The following TAF1 variants were observed in gnomAD, a reference collection of about 807,000 sequenced individuals.
TAF1 encodes TATA-box binding protein associated factor 1, also known as transcription initiation factor TFIID subunit 1.
A neutral mutation model predicts 138.5 loss-of-function variants in TAF1; 2 were observed. That is an observed-to-expected ratio of 0.01 (90% confidence interval 0.01 to 0.05). TAF1 has a LOEUF of 0.05. TAF1 is among the 10% of genes least tolerant of loss of function. The pLI is 1.00. For synonymous variants in TAF1, 437 were observed against 503.2 expected, an observed-to-expected ratio of 0.87 and a Z score of 1.76; for missense variants, 709 against 1,478.0, an observed-to-expected ratio of 0.48 and a Z score of 8.53.
intron 24 of TAF1, among the ~76,000 whole-genome samples, chrX:71,399,894 G>T (rs1014443413): frequency 1.8e-5 from 2 of 109,402 alleles, no homozygotes; most frequent in Non-Finnish European, 3.8e-5. Context: ...ACCACGCCCA[G>T]CTAATTTTTG....
At chrX:71,489,894 G>A (rs1336166984) in intron 13 of TAF1, among the ~76,000 whole-genome samples, 4 of 111,500 alleles carry the variant, frequency 3.6e-5, no homozygotes, top group Non-Finnish European at 3.8e-5. Context: ...GTTTGAATGC[G>A]TCCCTTCTAA....
intron 1 of TAF1, 21 bp downstream of exon 1, chrX:71,366,515 G>GT: frequency 1.4e-5 from 6 of 418,724 alleles, no homozygotes; most frequent in Non-Finnish European, 2.4e-5. Context: ...GGGCGTGGGG[G>GT]TAGGGCTCGG....
chrX:71,370,203 C>T (rs985355089), intron 3 of TAF1, among the ~76,000 whole-genome samples: 3 of 111,675 alleles, frequency 2.7e-5, no homozygotes, highest in Non-Finnish European at 3.8e-5. Flanking sequence ...CCAGCCTGGG[C>T]GGCAAGAGCT....
At position 71,368,157 on chromosome X, in the gene TAF1, C is replaced by T. The variant is rs369804809; in HGVS notation, c.339C>T (p.Pro113=). The part of the protein sequence containing the change: ...RYQQTMGSLQ[P]LCHSDYDEDD... ...AGCAGACGATGGGGAGCTTGCAGCCCCTTTGCCACTCAGGTGATTCTTTGG... is the reference window on the plus strand; with the variant it reads ...AGCAGACGATGGGGAGCTTGCAGCCTCTTTGCCACTCAGGTGATTCTTTGG... Residue 113 remains proline (P), a synonymous_variant, in exon 3 of 38, where the codon CCC becomes CCT. Coordinates refer to ENST00000423759, the MANE Select transcript of TAF1 (RefSeq NM_004606.5). 28 of 1,209,540 alleles carry T rather than the reference C, an allele frequency of 2.3e-5. No homozygotes were observed. Among genetic ancestry groups the T allele is most frequent in the Non-Finnish European group, 3.0e-5 (27 of 894,698 alleles).
chrX:71,490,820 C>T (rs757384091), intron 13 of TAF1, among the ~76,000 whole-genome samples: 3 of 108,572 alleles, frequency 2.8e-5, no homozygotes, highest in African/African-American at 1.0e-4. Flanking sequence ...CTCTGCCTCC[C>T]GGGTTCAAGT....
At chrX:71,488,331 C>T (rs1197779061) in intron 13 of TAF1, among the ~76,000 whole-genome samples, 1 of 105,291 alleles carries the variant, frequency 9.5e-6, no homozygotes, top group Non-Finnish European at 2.0e-5. Flanking sequence ...GCAACCTCCA[C>T]CTCCCGGGTT....
intron 34 of TAF1, among the ~76,000 whole-genome samples, chrX:71,456,649 CTTTTTTTTTTTTTTTTTTTTTTTTTTT>C (rs776321706): frequency 1.1e-3 from 29 of 26,810 alleles, no homozygotes; most frequent in Admixed American, 1.9e-3. Flanking sequence ...AATGTATTTT[CTTTTTTTTTTTTTTTTTTTTTTTTTTT>C]TTTTTTTTTT....
At chrX:71,516,549 G>A (rs2039828669) in intron 13 of TAF1, among the ~76,000 whole-genome samples, 1 of 108,816 alleles carries the variant, frequency 9.2e-6, no homozygotes, top group African/African-American at 3.4e-5. Flanking sequence ...GATTGAGGTA[G>A]GAGGATCACT....
intron 22 of TAF1, among the ~76,000 whole-genome samples, chrX:71,396,464 A>G (rs764762115): frequency 5.2e-4 from 56 of 107,983 alleles, no homozygotes; most frequent in Non-Finnish European, 9.6e-4. Context: ...ACACCTGGCT[A>G]GTTAAATTTG....
intron 25 of TAF1, among the ~76,000 whole-genome samples, 177 bp downstream of exon 25, chrX:71,401,916 T>C (rs2148444875): frequency 8.9e-6 from 1 of 111,834 alleles, no homozygotes; most frequent in African/African-American, 3.2e-5. Flanking sequence ...CTGATTAGGT[T>C]GTACCACTTG....
intron 28 of TAF1, among the ~76,000 whole-genome samples, chrX:71,417,815 G>C (rs1023334727): frequency 1.8e-5 from 2 of 111,384 alleles, no homozygotes; most frequent in Non-Finnish European, 3.8e-5. Context: ...CTCATATGCA[G>C]CTCCTCCATA....
rs1312100209 is a variant in TAF1, at chrX:71,389,573, G to A, written c.2701-12G>A. On this transcript the variant is annotated splice_polypyrimidine_tract_variant and intron_variant, in intron 17 of 37. Transcript: ENST00000423759. ...AACTGACTGATTTATGCATGGATCT[G>A]TCCTCTTCCAGGATGCTGGCTATGG... 8.4e-7 allele frequency: 1 copy of A among 1,192,380 alleles called. No homozygotes were observed. The highest frequency in any genetic ancestry group is 1.8e-5 in the African/African-American group (1 of 56,302).
At chrX:71,397,114 G>T in intron 22 of TAF1, 139 bp from the exon 23 acceptor site, 2 of 614,981 alleles carry the variant, frequency 3.3e-6, no homozygotes, top group East Asian at 7.2e-5. Flanking sequence ...TATTCTTGGG[G>T]CTGATGATGA....
intron 13 of TAF1, among the ~76,000 whole-genome samples, chrX:71,504,741 C>CAAAAAAAAAAAAAAAAAAACA (rs2039586854): frequency 1.8e-4 from 1 of 5,702 alleles, no homozygotes; most frequent in East Asian, 4.9e-3. Flanking sequence ...GACCCTGTCT[C>CAAAAAAAAAAAAAAAAAAACA]AAAAAAAAAA....
At chrX:71,397,965 A>G (rs2148412840) in intron 23 of TAF1, among the ~76,000 whole-genome samples, 1 of 112,112 alleles carries the variant, frequency 8.9e-6, no homozygotes, top group East Asian at 2.8e-4. Context: ...GGAAAATTCT[A>G]TTCGGTATTT....
Position 71,388,385 on chromosome X carries a change from T to C in TAF1, c.2569+7T>C, listed in dbSNP as rs766051616. Reference sequence around the variant, plus strand: ...GCTGACTTCAAACGCACAGGTCGTCTGTTGTGACTAGTTATTTGTCTGCCT... The same window carrying C: ...GCTGACTTCAAACGCACAGGTCGTCCGTTGTGACTAGTTATTTGTCTGCCT... On this transcript the variant is annotated splice_region_variant and intron_variant, in intron 16 of 37. Transcript: ENST00000423759. The C allele has an allele frequency of 2.2e-5, 26 of 1,193,534 alleles. No individual in the cohort carries two copies. The highest frequency in any genetic ancestry group is 4.9e-5 in the Admixed American group (2 of 40,676).
At chrX:71,403,432 C>T (rs2035286361) in intron 25 of TAF1, among the ~76,000 whole-genome samples, 1 of 111,803 alleles carries the variant, frequency 8.9e-6, no homozygotes, top group Non-Finnish European at 1.9e-5. Flanking sequence ...GATCAGATTC[C>T]AATTAAATGT....
chrX:71,435,267 C>T (rs1188571836), intron 32 of TAF1, among the ~76,000 whole-genome samples: 3 of 112,385 alleles, frequency 2.7e-5, no homozygotes, highest in African/African-American at 9.7e-5. Flanking sequence ...TTGTCCCCAA[C>T]TTTTGAGTAT....
At chrX:71,479,792 T>C (rs948189562) in intron 13 of TAF1, among the ~76,000 whole-genome samples, 2 of 111,335 alleles carry the variant, frequency 1.8e-5, no homozygotes, top group Admixed American at 1.9e-4. Context: ...AGATATACTT[T>C]TGTATTTGTG....
Sources: allele counts gnomAD v4.1 joint callset (sites outside exome capture counted in the v4.1 genomes callset), GRCh38; gene constraint gnomAD v4.1.1; transcripts MANE v1.5; gene names NCBI Gene and HGNC (gene_info 2026-07-23, HGNC 2026-07-21).